Variants in PRKCQ observed in about 807,000 individuals in gnomAD.
PRKCQ encodes the protein protein kinase C theta, also known as protein kinase C theta type.
In PRKCQ, 41 loss-of-function variants were observed where a neutral mutation model predicts 91.2. The observed-to-expected ratio is 0.45, with a 90% CI of 0.35 to 0.58. PRKCQ has a LOEUF of 0.58. Among genes scored for constraint, PRKCQ ranks in the 20% least tolerant of loss-of-function variants. The pLI, the probability that PRKCQ is intolerant of heterozygous loss-of-function variation, is 0.00. For missense variants in PRKCQ, 673 were observed against 896.5 expected (o/e 0.75, Z 3.18); for synonymous variants, 307 against 316.9 (o/e 0.97, Z 0.33).
chr10:6,544,991 T>G (rs1164324611), intron 1 of PRKCQ, among the ~76,000 whole-genome samples: 1 of 152,136 alleles, frequency 6.6e-6, no homozygotes. Flanking sequence ...TCTGTTTTTT[T>G]TTTTTTTAAT....
At chr10:6,467,538 G>A (rs2130726354) in intron 12 of PRKCQ, among the ~76,000 whole-genome samples, 1 of 151,986 alleles carries the variant, frequency 6.6e-6, no homozygotes, top group East Asian at 1.9e-4. Flanking sequence ...TACATTAACC[G>A]AGGCAAATGA....
chr10:6,449,602 G>A (rs1262735489), intron 15 of PRKCQ, among the ~76,000 whole-genome samples: 3 of 151,868 alleles, frequency 2.0e-5, no homozygotes, highest in Non-Finnish European at 4.4e-5. Flanking sequence ...GATACTCCTC[G>A]AGAAGAGCGA....
At chr10:6,523,214 T>C (rs191309091) in intron 1 of PRKCQ, among the ~76,000 whole-genome samples, 35 of 152,060 alleles carry the variant, frequency 2.3e-4, no homozygotes, top group African/African-American at 6.0e-4. Flanking sequence ...CTTTGGGAGG[T>C]TGAGGTGGGA....
chr10:6,439,027 C>A (rs1181855077), intron 16 of PRKCQ, among the ~76,000 whole-genome samples: 1 of 152,214 alleles, frequency 6.6e-6, no homozygotes, highest in Non-Finnish European at 1.5e-5. Flanking sequence ...TGATTCATTT[C>A]ATTCTACAAC....
chr10:6,455,426 T>G (rs1429843185), intron 15 of PRKCQ, among the ~76,000 whole-genome samples: 1 of 152,218 alleles, frequency 6.6e-6, no homozygotes, highest in Non-Finnish European at 1.5e-5. Flanking sequence ...TCAAATTACA[T>G]ATCACCCAAC....
intron 1 of PRKCQ, among the ~76,000 whole-genome samples, chr10:6,536,008 C>T (rs534958287): frequency 6.6e-6 from 1 of 152,224 alleles, no homozygotes; most frequent in South Asian, 2.1e-4. Flanking sequence ...GAGTCAGGCC[C>T]TACCCCTGGT....
At position 6,466,785 on chromosome 10, in the gene PRKCQ, C is replaced by T. The variant is rs115390683; in HGVS notation, c.1354-2381G>A. On this transcript the variant is annotated intron_variant, in intron 12 of 17. Transcript: ENST00000263125. ...CAGCTGACTAGAACCTCTGCAGAAC[C>T]GCAAGCAAAAAGAAGTGTCTGCCTG... is the stretch of plus-strand genomic sequence containing the variant. 4.9e-3 allele frequency among the ~76,000 whole-genome samples: 741 copies of T among 152,234 alleles called. 3 individuals carry two copies. Among genetic ancestry groups the T allele is most frequent in the African/African-American group, 0.017 (692 of 41,532 alleles).
intron 1 of PRKCQ, among the ~76,000 whole-genome samples, chr10:6,532,658 G>A (rs1007915239): frequency 7.2e-5 from 11 of 152,178 alleles, no homozygotes; most frequent in African/African-American, 2.4e-4. Flanking sequence ...TTTTTTAACT[G>A]CAATTTCATT....
At chr10:6,553,340 A>G (rs1564389773) in intron 1 of PRKCQ, among the ~76,000 whole-genome samples, 1 of 151,918 alleles carries the variant, frequency 6.6e-6, no homozygotes, top group Non-Finnish European at 1.5e-5. Context: ...AAATACAAAA[A>G]TTAGCTGGGC....
chr10:6,447,213 C>G (rs1834356826), intron 15 of PRKCQ, among the ~76,000 whole-genome samples: 1 of 152,042 alleles, frequency 6.6e-6, no homozygotes, highest in South Asian at 2.1e-4. Context: ...TCGAGACCAT[C>G]CTGGCCAACA....
chr10:6,488,635 C>T (rs371812899), intron 8 of PRKCQ, among the ~76,000 whole-genome samples: 56 of 152,242 alleles, frequency 3.7e-4, no homozygotes, highest in African/African-American at 1.1e-3. Context: ...CTGCCCACCT[C>T]GGTCTCCTAA....
chr10:6,395,123 CT>C, the PRKCQ span, among the ~76,000 whole-genome samples: 137 of 135,176 alleles, frequency 1.0e-3, 3 homozygotes, highest in African/African-American at 2.4e-3. Flanking sequence ...AGTGCAGTGG[CT>C]GTGATCTCGG....
chr10:6,471,608 G>C (rs1344025689), intron 12 of PRKCQ, among the ~76,000 whole-genome samples: 1 of 152,124 alleles, frequency 6.6e-6, no homozygotes, highest in Admixed American at 6.5e-5. Context: ...AAATTAGCTG[G>C]GCGCAGTGGC....
chr10:6,398,884 T>G, the PRKCQ span, among the ~76,000 whole-genome samples: 148,103 of 152,120 alleles, frequency 0.97, 72,209 homozygotes, highest in East Asian at 1. Flanking sequence ...TTCCCGAGTA[T>G]CTAGGACCAC....
At chr10:6,506,133 G>A (rs1194305955) in intron 4 of PRKCQ, among the ~76,000 whole-genome samples, 1 of 151,900 alleles carries the variant, frequency 6.6e-6, no homozygotes, top group Non-Finnish European at 1.5e-5. Context: ...TGTACTATGT[G>A]TACTGTATAT....
intron 1 of PRKCQ, among the ~76,000 whole-genome samples, chr10:6,529,085 T>C (rs967536553): frequency 2.0e-5 from 3 of 152,210 alleles, no homozygotes; most frequent in African/African-American, 7.2e-5. Flanking sequence ...CAGCATGTCA[T>C]AAGCCTGTGC....
chr10:6,425,111 C>T (rs893186102), downstream of PRKCQ, among the ~76,000 whole-genome samples: 2 of 152,146 alleles, frequency 1.3e-5, no homozygotes, highest in African/African-American at 4.8e-5. Context: ...TCGCTGAAAC[C>T]CTGCACTCTG....
At chr10:6,524,438 C>T (rs1331034825) in intron 1 of PRKCQ, among the ~76,000 whole-genome samples, 1 of 152,120 alleles carries the variant, frequency 6.6e-6, no homozygotes, top group Admixed American at 6.5e-5. Flanking sequence ...GATTTCAGTC[C>T]CTTTCCACAG....
chr10:6,510,099 A>G (rs1185424464), intron 3 of PRKCQ, among the ~76,000 whole-genome samples: 1 of 152,228 alleles, frequency 6.6e-6, no homozygotes, highest in Non-Finnish European at 1.5e-5. Flanking sequence ...AGTAAGAAGC[A>G]GAAAGTCAGG....
Sources: gnomAD v4.1 joint callset for allele counts (sites outside exome capture counted in the v4.1 genomes callset) on GRCh38, gnomAD v4.1.1 for gene constraint, MANE v1.5 for transcripts, NCBI Gene and HGNC (gene_info 2026-07-23, HGNC 2026-07-21) for gene names.